The following WBP11 variants were observed in gnomAD, a reference collection of about 807,000 sequenced individuals.
WBP11 encodes the protein WW domain binding protein 11, also known as WW domain-binding protein 11.
WBP11 carries 12 observed loss-of-function variants against 66.7 expected under a neutral mutation model. That is an observed-to-expected ratio of 0.18 (90% CI 0.12 to 0.29). WBP11 has a LOEUF of 0.29. Among genes scored for constraint, WBP11 ranks in the 10% least tolerant of loss-of-function variants. WBP11 has a pLI of 1.00. For synonymous variants in WBP11, 255 were observed against 273.8 expected (o/e 0.93, Z 0.68); for missense variants, 555 against 818.3 (o/e 0.68, Z 3.93).
chr12:14,787,979 G>C (rs1174512403), intron 11 of WBP11, among the ~76,000 whole-genome samples: 1 of 152,182 alleles, frequency 6.6e-6, no homozygotes, highest in Non-Finnish European at 1.5e-5. Context: ...GCTCACACTT[G>C]TAATCCCAGC....
At chr12:14,790,879 A>C in intron 9 of WBP11, 130 bp from the exon 10 acceptor site, 1 of 895,344 alleles carries the variant, frequency 1.1e-6, no homozygotes, top group Non-Finnish European at 1.7e-6. Context: ...CTTCTTCAAT[A>C]AAATACTTAG....
chr12:14,793,634 G>C, intron 8 of WBP11, 97 bp downstream of exon 8: 1 of 1,407,844 alleles, frequency 7.1e-7, no homozygotes, highest in Non-Finnish European at 9.6e-7. Context: ...GACTTCCAAA[G>C]ATTTCAGAGT....
chr12:14,799,675 T>C lies in WBP11; in HGVS notation c.150A>G (p.Pro50=), dbSNP rs775156655. Reference sequence around the variant, plus strand: ...TCTCCATGTCTCGGATTATCTGTTTTGGATCCTTCATCTTTAAAACTGCAG... The same window carrying C: ...TCTCCATGTCTCGGATTATCTGTTTCGGATCCTTCATCTTTAAAACTGCAG... ...VRAAVLKMKD[P]KQIIRDMEKL... is the part of the protein sequence containing the mutation. Residue 50 remains proline, a synonymous_variant, in exon 4 of 12, where the codon CCA becomes CCG. Coordinates refer to ENST00000261167, the MANE Select transcript of WBP11 (RefSeq NM_016312.3). 9.3e-6 allele frequency: 15 copies of C among 1,613,780 alleles called. No homozygotes were observed. Among genetic ancestry groups the C allele is most frequent in the East Asian group, 4.5e-5 (2 of 44,870 alleles).
In WBP11 at chr12:14,787,029, G is replaced by T; in HGVS notation, c.*36C>A. On this transcript the variant is annotated 3_prime_UTR_variant, in exon 12 of 12. Coordinates refer to ENST00000261167, the MANE Select transcript of WBP11 (RefSeq NM_016312.3). ...AGAGCCTCTTTCTCCATGGGCCACT[G>T]TTGTGAACAGAAGCCTTTTCTGGCA... 2 of 1,585,408 alleles carry T rather than the reference G, an allele frequency of 1.3e-6. No homozygotes were observed. Among genetic ancestry groups the T allele is most frequent in the Non-Finnish European group, 1.7e-6 (2 of 1,162,508 alleles).
intron 8 of WBP11, among the ~76,000 whole-genome samples, chr12:14,793,305 GT>G (rs1481977265): frequency 1.2e-4 from 18 of 152,268 alleles, no homozygotes; most frequent in African/African-American, 4.1e-4. Flanking sequence ...CCACTCATGA[GT>G]GTACCTGGGT....
intron 4 of WBP11, among the ~76,000 whole-genome samples, chr12:14,797,352 T>C (rs1028518534): frequency 6.8e-5 from 10 of 147,412 alleles, no homozygotes; most frequent in African/African-American, 2.4e-4. Flanking sequence ...ATCTTAAGCA[T>C]TTTACTTGAA....
Position 14,785,768 on chromosome 12 carries a change from C to T in WBP11, c.*1297G>A, listed in dbSNP as rs1194464547. ...GCATTTGAGATACTGTGGAAAGTAA[C>T]GTATGCCTAAACAATGCACGCACTG... On this transcript the variant is annotated 3_prime_UTR_variant, in exon 12 of 12. Coordinates refer to ENST00000261167, the MANE Select transcript of WBP11 (RefSeq NM_016312.3). 4 of 152,124 alleles carry T rather than the reference C, an allele frequency of 2.6e-5. No individual in the cohort carries two copies. The highest frequency in any genetic ancestry group is 5.9e-5 in the Non-Finnish European group (4 of 68,014). 9.4% of individuals were successfully genotyped at this position (152,124 alleles called of 1,614,324 possible).
chr12:14,793,469 G>A (rs780734413), intron 8 of WBP11, among the ~76,000 whole-genome samples: 9 of 152,010 alleles, frequency 5.9e-5, no homozygotes, highest in Admixed American at 5.2e-4. Flanking sequence ...TTATGCTGTT[G>A]AATAGTTATA....
chr12:14,799,550 T>G (rs367722637), intron 4 of WBP11, 85 bp downstream of exon 4: 35 of 1,248,486 alleles, frequency 2.8e-5, no homozygotes, highest in East Asian at 2.3e-4. Flanking sequence ...TGTTCTGTTT[T>G]ACTTACGCCT....
In WBP11 at chr12:14,791,156, T is replaced by A. The variant is rs191349183; in HGVS notation, c.1015+13A>T. On this transcript the variant is annotated intron_variant, in intron 9 of 11. Coordinates refer to ENST00000261167, the MANE Select transcript of WBP11 (RefSeq NM_016312.3). ...ACACCAAAAGGTGATTCACTATTTT[T>A]TCCCTGCCTCACCTGCCATACGAAG... 1.0e-4 allele frequency: 163 copies of A among 1,612,962 alleles called. No homozygotes were observed. The African/African-American group carries it at 2.0e-3, about 20-fold the overall frequency.
chr12:14,795,987 TA>T (rs1235259292), intron 5 of WBP11, among the ~76,000 whole-genome samples: 1 of 152,148 alleles, frequency 6.6e-6, no homozygotes, highest in Non-Finnish European at 1.5e-5. Flanking sequence ...ACAAATTCAG[TA>T]AGTTTTGACA....
intron 4 of WBP11, among the ~76,000 whole-genome samples, chr12:14,799,057 T>C (rs1949928918): frequency 6.6e-6 from 1 of 152,190 alleles, no homozygotes; most frequent in Non-Finnish European, 1.5e-5. Context: ...ATTCCAGTTA[T>C]AACAAAGCAG....
chr12:14,793,262 A>T (rs947349843), intron 8 of WBP11, among the ~76,000 whole-genome samples: 4 of 152,246 alleles, frequency 2.6e-5, no homozygotes, highest in Non-Finnish European at 4.4e-5. Flanking sequence ...ATAATCAAAC[A>T]CACACATTAT....
intron 8 of WBP11, among the ~76,000 whole-genome samples, chr12:14,793,158 C>T (rs1028307100): frequency 6.6e-6 from 1 of 152,160 alleles, no homozygotes; most frequent in African/African-American, 2.4e-5. Flanking sequence ...TCCAAAATTG[C>T]TGAGGTTTGA....
At chr12:14,787,634 T>C (rs1949768959) in intron 11 of WBP11, 136 bp from the exon 12 acceptor site, 2 of 796,436 alleles carry the variant, frequency 2.5e-6, no homozygotes, top group African/African-American at 3.5e-5. Context: ...GAATTCATAT[T>C]GGTTGCTATT....
intron 11 of WBP11, among the ~76,000 whole-genome samples, chr12:14,787,916 G>T (rs980324164): frequency 2.6e-5 from 4 of 152,144 alleles, no homozygotes; most frequent in Admixed American, 6.6e-5. Flanking sequence ...CAATGGGCAG[G>T]AAATAAAATT....
intron 8 of WBP11, among the ~76,000 whole-genome samples, chr12:14,791,500 TA>T (rs1278924414): frequency 6.6e-6 from 1 of 152,188 alleles, no homozygotes; most frequent in Non-Finnish European, 1.5e-5. Flanking sequence ...ATACAAAACT[TA>T]AATGGTAGTT....
intron 5 of WBP11, 135 bp from the exon 6 acceptor site, chr12:14,795,239 A>C (rs1372436226): frequency 3.1e-6 from 3 of 979,284 alleles, no homozygotes; most frequent in Non-Finnish European, 4.3e-6. Flanking sequence ...CCCCCAGAAA[A>C]ATAACCTTAC....
In WBP11 at chr12:14,793,811, T is replaced by A. The variant is rs571980375; in HGVS notation, c.833A>T (p.Lys278Ile). 1.2e-6 allele frequency: 2 copies of A among 1,614,110 alleles called. No individual in the cohort carries two copies. The highest frequency in any genetic ancestry group is 2.2e-5 in the South Asian group (2 of 91,070). The change falls in exon 8 of 12, where the codon AAA (lysine) becomes ATA (isoleucine). Residue 278 changes from lysine to isoleucine, a missense_variant. Physicochemically the swap from Lys to Ile is moderately radical, Grantham distance 102. This residue lies in a region of WBP11 where 220 missense variants were observed against 268.2 expected (regional missense o/e 0.82). Transcript: ENST00000261167. ...DDSTDDSDTDKSDGESDGDEF... is the reference protein window; with the variant it reads ...DDSTDDSDTDISDGESDGDEF... ...ATCCCCGTCACTTTCTCCATCTGAT[T>A]TGTCGGTGTCACTGTCATCAGTACT...
Sources: gnomAD v4.1 joint callset for allele counts (sites outside exome capture counted in the v4.1 genomes callset) on GRCh38, gnomAD v4.1.1 for gene constraint, gnomAD v4.1.1 regional missense constraint, MANE v1.5 for transcripts, NCBI Gene and HGNC (gene_info 2026-07-23, HGNC 2026-07-21) for gene names.